MAST4: variants seen among roughly 807,000 people sequenced by gnomAD.
MAST4 encodes the protein microtubule-associated serine/threonine-protein kinase 4.
A neutral mutation model predicts 162.7 loss-of-function variants in MAST4; 89 were observed. The ratio of observed to expected loss-of-function variants is 0.55; its 90% CI spans 0.46 to 0.65. The LOEUF (loss-of-function observed/expected upper bound fraction) is 0.65, where lower values mean the gene tolerates loss of function less well. Ranked by LOEUF, MAST4 falls within the 30% of genes least tolerant of loss-of-function variation. The pLI is 0.00. For synonymous variants in MAST4, 1,479 were observed against 1,361.1 expected, an observed-to-expected ratio of 1.09 and a Z score of -1.91; for missense variants, 3,153 against 3,374.0, an observed-to-expected ratio of 0.93 and a Z score of 1.62.
intron 4 of MAST4, among the ~76,000 whole-genome samples, chr5:67,013,174 C>T (rs1161893010): frequency 3.3e-5 from 5 of 152,146 alleles, no homozygotes; most frequent in Non-Finnish European, 7.3e-5. Context: ...AAATGCAGAT[C>T]TTGACATCTG....
At chr5:66,975,974 G>T (rs1227489664) in intron 4 of MAST4, among the ~76,000 whole-genome samples, 1 of 152,056 alleles carries the variant, frequency 6.6e-6, no homozygotes. Flanking sequence ...CTCCAGCCAG[G>T]GTGACAGAGC....
At chr5:66,914,958 C>G (rs1363471959) in intron 4 of MAST4, among the ~76,000 whole-genome samples, 3 of 151,924 alleles carry the variant, frequency 2.0e-5, no homozygotes, top group Non-Finnish European at 4.4e-5. Context: ...ATCTAGAGAT[C>G]GAGAATCAGA....
chr5:66,792,588 A>G (rs1296847967), intron 3 of MAST4: 2 of 152,058 alleles, frequency 1.3e-5, no homozygotes, highest in African/African-American at 4.8e-5. Context: ...GTGATTCTTC[A>G]TGCTGTAATG....
chr5:66,917,284 A>G lies in MAST4; in HGVS notation c.674+17302A>G, dbSNP rs1050370778. On this transcript the variant is annotated intron_variant, in intron 4 of 28. Transcript: ENST00000403625. ...GCTTATTTTCACTGCCCATTTTTCC[A>G]TTTAGTAGTGTTTTTCTTTTTCAGT... The G allele has an allele frequency of 2.8e-5, 11 of 399,142 alleles. No individual in the cohort carries two copies. The Admixed American group carries it at 2.8e-4, about 10-fold the overall frequency. The allele number at this position is 399,142 out of a possible 1,614,324, so 24.7% of individuals were successfully genotyped here. A position where few individuals can be genotyped will look rare whatever the true frequency, so the allele number is the denominator to read the frequency against.
intron 1 of MAST4, among the ~76,000 whole-genome samples, chr5:66,706,860 T>G (rs538709789): frequency 2.6e-5 from 4 of 152,220 alleles, no homozygotes; most frequent in African/African-American, 9.6e-5. Context: ...TTAGGCCTCA[T>G]TAGAATGTTT....
chr5:66,896,974 CT>C (rs1243115697), intron 3 of MAST4, among the ~76,000 whole-genome samples: 1 of 152,068 alleles, frequency 6.6e-6, no homozygotes, highest in Non-Finnish European at 1.5e-5. Flanking sequence ...CTAGTTAACA[CT>C]TAAAAGTCTG....
intron 3 of MAST4, among the ~76,000 whole-genome samples, chr5:66,896,405 A>G (rs1181694547): frequency 6.6e-6 from 1 of 152,170 alleles, no homozygotes; most frequent in East Asian, 1.9e-4. Flanking sequence ...GGGTTTCCCT[A>G]CTATAATGTT....
rs1396621863 is a variant in MAST4, at chr5:67,169,512, G to A, written c.*2461G>A. Reference sequence around the variant, plus strand: ...TATTTTCTCTAAGAAATTCCTTATGGACGTCATAATTGTTGTATATTGAAC... The same window carrying A: ...TATTTTCTCTAAGAAATTCCTTATGAACGTCATAATTGTTGTATATTGAAC... On this transcript the variant is annotated 3_prime_UTR_variant, in exon 29 of 29. Coordinates refer to ENST00000403625, the MANE Select transcript of MAST4 (RefSeq NM_001164664.2). The A allele has an allele frequency of 6.6e-6, 1 of 152,088 alleles. No homozygotes were observed. The highest frequency in any genetic ancestry group is 2.4e-5 in the African/African-American group (1 of 41,402). 9.4% of individuals were successfully genotyped at this position (152,088 alleles called of 1,614,324 possible). A position where few individuals can be genotyped will look rare whatever the true frequency, so the allele number is the denominator to read the frequency against.
chr5:66,941,032 A>G (rs559193294), intron 4 of MAST4, among the ~76,000 whole-genome samples: 39 of 152,262 alleles, frequency 2.6e-4, no homozygotes, highest in African/African-American at 9.4e-4. Flanking sequence ...TTTTCTGAGC[A>G]CTAGGTCTCA....
intron 3 of MAST4, among the ~76,000 whole-genome samples, chr5:66,824,320 C>T (rs1348040639): frequency 6.6e-6 from 1 of 152,208 alleles, no homozygotes; most frequent in Non-Finnish European, 1.5e-5. Flanking sequence ...CAGGGCAACA[C>T]AGTGGTACTC....
chr5:66,837,554 T>C (rs1449477900), intron 3 of MAST4, among the ~76,000 whole-genome samples: 1 of 152,056 alleles, frequency 6.6e-6, no homozygotes, highest in Non-Finnish European at 1.5e-5. Context: ...GCAAGATAAA[T>C]CAACTTTAAT....
intron 4 of MAST4, among the ~76,000 whole-genome samples, chr5:67,030,842 G>C (rs1424497650): frequency 6.6e-6 from 1 of 152,022 alleles, no homozygotes; most frequent in Non-Finnish European, 1.5e-5. Context: ...TAGTATTTTA[G>C]TGCAATAGAA....
In MAST4 at chr5:66,730,672, T is replaced by C. The variant is rs576009274; in HGVS notation, c.364-29037T>C. 3.9e-5 allele frequency among the ~76,000 whole-genome samples: 6 copies of C among 152,284 alleles called. No individual in the cohort carries two copies. In the South Asian group the frequency reaches 1.2e-3, roughly 32 times the overall value. On this transcript the variant is annotated intron_variant, in intron 1 of 28. Coordinates refer to ENST00000403625, the MANE Select transcript of MAST4 (RefSeq NM_001164664.2). Reference sequence around the variant, plus strand: ...CAGGATAGCTTAAATTACAAACATCTTTCAAAGTCTGTAAGGAAAATGTAG... The same window carrying C: ...CAGGATAGCTTAAATTACAAACATCCTTCAAAGTCTGTAAGGAAAATGTAG...
intron 1 of MAST4, among the ~76,000 whole-genome samples, chr5:66,640,098 C>T (rs1745389462): frequency 6.6e-6 from 1 of 152,140 alleles, no homozygotes; most frequent in African/African-American, 2.4e-5. Flanking sequence ...ATTCCCCCAC[C>T]TCTATTCTGC....
At chr5:66,746,819 A>T (rs1752786524) in intron 1 of MAST4, among the ~76,000 whole-genome samples, 1 of 152,252 alleles carries the variant, frequency 6.6e-6, no homozygotes, top group Admixed American at 6.5e-5. Context: ...GGTGATGTAT[A>T]TGCAAAATCA....
intron 4 of MAST4, among the ~76,000 whole-genome samples, chr5:66,951,632 G>GTGTGTGTATGTA (rs1554072456): frequency 4.3e-4 from 57 of 133,586 alleles, no homozygotes; most frequent in African/African-American, 1.5e-3. Context: ...GTGTGTGTGT[G>GTGTGTGTATGTA]TGTGTGTGTG....
intron 1 of MAST4, among the ~76,000 whole-genome samples, chr5:66,666,537 G>A (rs1254903452): frequency 3.3e-5 from 5 of 152,098 alleles, no homozygotes; most frequent in African/African-American, 1.2e-4. Flanking sequence ...ACAGCCTTTG[G>A]GACAGTTGTT....
intron 1 of MAST4, among the ~76,000 whole-genome samples, chr5:66,695,646 CAAT>C (rs1191608589): frequency 6.6e-6 from 1 of 152,010 alleles, no homozygotes; most frequent in African/African-American, 2.4e-5. Context: ...TTCCATACAA[CAAT>C]GAGATACCAT....
chr5:66,789,598 G>T, intron 3 of MAST4: 1 of 349,796 alleles, frequency 2.9e-6, no homozygotes, highest in Non-Finnish European at 5.8e-6. Context: ...TTGCATTCCA[G>T]GCAAGAATAC....
Sources: allele counts gnomAD v4.1 joint callset (sites outside exome capture counted in the v4.1 genomes callset), GRCh38; gene constraint gnomAD v4.1.1; transcripts MANE v1.5; gene names NCBI Gene and HGNC (gene_info 2026-07-23, HGNC 2026-07-21).